Variants in TSGA10 observed in about 807,000 individuals in gnomAD.
TSGA10 encodes testis specific 10, also known as testis-specific gene 10 protein.
TSGA10 carries 43 observed loss-of-function variants against 96.6 expected under a neutral mutation model. The ratio of observed to expected loss-of-function variants is 0.44; its 90% confidence interval spans 0.35 to 0.57. The LOEUF is 0.57. Among genes scored for constraint, TSGA10 ranks in the 20% least tolerant of loss-of-function variants. TSGA10 has a pLI of 0.01. For synonymous variants in TSGA10, 229 were observed against 269.9 expected (o/e 0.85, Z 1.48); for missense variants, 703 against 834.4 (o/e 0.84, Z 1.94).
intron 4 of TSGA10, among the ~76,000 whole-genome samples, chr2:99,112,259 T>C (rs2091883581): frequency 6.6e-6 from 1 of 152,090 alleles, no homozygotes; most frequent in Non-Finnish European, 1.5e-5. Flanking sequence ...TAGTATATAT[T>C]CTAGCCAAAA....
chr2:99,012,015 AG>A (rs2079051164), intron 20 of TSGA10, among the ~76,000 whole-genome samples: 1 of 152,232 alleles, frequency 6.6e-6, no homozygotes, highest in Admixed American at 6.5e-5. Context: ...ACAAGCCAGA[AG>A]GGATTGGGGT....
At chr2:99,102,812 G>A in intron 10 of TSGA10, 1 of 1,321,610 alleles carries the variant, frequency 7.6e-7, no homozygotes, top group Non-Finnish European at 1.1e-6. Context: ...CTCATACCCA[G>A]AACTGTAAAT....
At chr2:99,141,959 T>G (rs6725089) in intron 1 of TSGA10, 105 of 152,474 alleles carry the variant, frequency 6.9e-4, no homozygotes, top group African/African-American at 2.5e-3. Context: ...CAGCCTGGAG[T>G]CAGGGGAGCC....
intron 4 of TSGA10, among the ~76,000 whole-genome samples, chr2:99,114,553 TC>T (rs1374642405): frequency 1.3e-5 from 2 of 152,188 alleles, no homozygotes; most frequent in Non-Finnish European, 2.9e-5. Context: ...CCAATAGCTT[TC>T]CAACCCTCAA....
intron 1 of TSGA10, chr2:99,141,160 G>C (rs768395740): frequency 7.9e-7 from 1 of 1,263,712 alleles, no homozygotes; most frequent in South Asian, 1.3e-5. Context: ...GTCAGCTCTC[G>C]GCCTCAGCGG....
At chr2:99,137,589 T>C (rs1183869518) in intron 1 of TSGA10, among the ~76,000 whole-genome samples, 1 of 151,666 alleles carries the variant, frequency 6.6e-6, no homozygotes, top group Non-Finnish European at 1.5e-5. Flanking sequence ...CTCTCCCTTC[T>C]CCCCTCCCAC....
intron 10 of TSGA10, among the ~76,000 whole-genome samples, chr2:99,091,033 G>A (rs1248927193): frequency 6.6e-6 from 1 of 152,166 alleles, no homozygotes; most frequent in Non-Finnish European, 1.5e-5. Context: ...AAAAGCATGA[G>A]CTAACCTATA....
At position 99,031,097 on chromosome 2, in the gene TSGA10, A is replaced by G. The variant is rs1015556264; in HGVS notation, c.1614+4133T>C. Among the ~76,000 whole-genome samples the G allele has an allele frequency of 4.6e-5, 7 of 152,066 alleles. No individual in the cohort carries two copies. The South Asian group carries it at 1.4e-3, about 31-fold the overall frequency. ...TAAATTAAAGACTTAATATATAACT[A>G]CAGTAAACAAAATTCTGTGGTATTG... On this transcript the variant is annotated intron_variant, in intron 17 of 20. Transcript: ENST00000393483.
At chr2:99,052,564 C>T (rs993212248) in intron 16 of TSGA10, among the ~76,000 whole-genome samples, 6 of 151,820 alleles carry the variant, frequency 4.0e-5, no homozygotes, top group African/African-American at 1.2e-4. Flanking sequence ...CGGTGAAACC[C>T]CGTCTCTACT....
chr2:99,149,442 CTTT>C (rs35395900), intron 1 of TSGA10, among the ~76,000 whole-genome samples: 4 of 132,814 alleles, frequency 3.0e-5, no homozygotes, highest in African/African-American at 8.4e-5. Flanking sequence ...ACATGATCAT[CTTT>C]TTTTTTTTTT....
chr2:99,066,937 C>G (rs2085325473), intron 15 of TSGA10, among the ~76,000 whole-genome samples: 1 of 152,136 alleles, frequency 6.6e-6, no homozygotes, highest in African/African-American at 2.4e-5. Flanking sequence ...ACTGCTCTCT[C>G]CACTTCTGAT....
At chr2:99,067,294 T>C (rs2085367435) in intron 15 of TSGA10, among the ~76,000 whole-genome samples, 1 of 152,200 alleles carries the variant, frequency 6.6e-6, no homozygotes, top group Non-Finnish European at 1.5e-5. Flanking sequence ...AATGGATCCG[T>C]GGTTCATTCT....
At chr2:99,047,703 G>GTTGGAAGT (rs2082942224) in intron 16 of TSGA10, among the ~76,000 whole-genome samples, 1 of 150,382 alleles carries the variant, frequency 6.6e-6, no homozygotes, top group Non-Finnish European at 1.5e-5. Context: ...CTATTCAACT[G>GTTGGAAGT]TTGGAAGTTC....
chr2:99,073,360 A>G (rs1231375279), intron 12 of TSGA10, among the ~76,000 whole-genome samples: 1 of 152,188 alleles, frequency 6.6e-6, no homozygotes, highest in Non-Finnish European at 1.5e-5. Context: ...TCACCCAGCA[A>G]TACAAGAACC....
At chr2:99,051,507 G>A (rs1019941103) in intron 16 of TSGA10, among the ~76,000 whole-genome samples, 3 of 151,736 alleles carry the variant, frequency 2.0e-5, no homozygotes, top group African/African-American at 7.3e-5. Flanking sequence ...AGAAATGAAG[G>A]GAAAATGATA....
At chr2:99,122,508 G>A (rs921936522) in intron 2 of TSGA10, among the ~76,000 whole-genome samples, 1 of 150,768 alleles carries the variant, frequency 6.6e-6, no homozygotes. Flanking sequence ...AATCGGAGTA[G>A]TGGCTCACAT....
Position 99,020,262 on chromosome 2 carries a change from T to C in TSGA10, c.1817+18A>G. ...AATTAAGATGTATGACTTTACTTTA[T>C]ATTGCTAAACAACTCACATTTTATT... On this transcript the variant is annotated intron_variant, in intron 18 of 20. Coordinates refer to ENST00000393483, the MANE Select transcript of TSGA10 (RefSeq NM_025244.4). 2 of 1,605,158 alleles carry C rather than the reference T, an allele frequency of 1.2e-6. No homozygotes were observed. The highest frequency in any genetic ancestry group is 2.2e-5 in the South Asian group (2 of 90,486).
Position 99,108,937 on chromosome 2 carries a change from G to C in TSGA10, c.106C>G (p.Leu36Val). 1 of 1,606,810 alleles carries C rather than the reference G, an allele frequency of 6.2e-7. No homozygotes were observed. Among genetic ancestry groups the C allele is most frequent in the Non-Finnish European group, 8.5e-7 (1 of 1,177,740 alleles). ...TCATATTTTTCCAGCATGCATTTAAGTTCTTCACGATCTCTTGTTGTTGTC... is the reference window on the plus strand; with the variant it reads ...TCATATTTTTCCAGCATGCATTTAACTTCTTCACGATCTCTTGTTGTTGTC... ...LKTTTRDREE[L>V]KCMLEKYERH... Residue 36 changes from leucine (L) to valine (V), a missense_variant, in exon 7 of 21, where the codon CTT becomes GTT. This residue lies in a region of TSGA10 where 585 missense variants were observed against 656.8 expected (regional missense o/e 0.89). Coordinates refer to ENST00000393483, the MANE Select transcript of TSGA10 (RefSeq NM_025244.4).
intron 16 of TSGA10, among the ~76,000 whole-genome samples, chr2:99,050,261 T>C (rs1282915575): frequency 6.6e-6 from 1 of 152,148 alleles, no homozygotes; most frequent in Non-Finnish European, 1.5e-5. Context: ...AAAGTTATAA[T>C]AGCAACAATG....
Sources: allele counts gnomAD v4.1 joint callset (sites outside exome capture counted in the v4.1 genomes callset), GRCh38; gene constraint gnomAD v4.1.1; regional missense constraint gnomAD v4.1.1; transcripts MANE v1.5; gene names NCBI Gene and HGNC (gene_info 2026-07-23, HGNC 2026-07-21).